The following SEM1 variants were observed in gnomAD, a reference collection of about 807,000 sequenced individuals.
SEM1 encodes SEM1 26S proteasome subunit.
SEM1 carries 3 observed loss-of-function variants against 12.7 expected under a neutral mutation model. The ratio of observed to expected loss-of-function variants is 0.24; its 90% CI spans 0.11 to 0.61. SEM1 has a LOEUF of 0.61. Among genes scored for constraint, SEM1 ranks in the 20% least tolerant of loss-of-function variants. The probability of loss-of-function intolerance (pLI) is 0.88; values close to 1 mark genes in which losing one functional copy is unlikely to be tolerated. For synonymous variants in SEM1, 30 were observed against 27.8 expected (o/e 1.08, Z -0.25); for missense variants, 59 against 81.3 (o/e 0.73, Z 1.06).
intron 2 of SEM1, among the ~76,000 whole-genome samples, chr7:96,598,124 A>G (rs1447484307): frequency 6.6e-6 from 1 of 152,194 alleles, no homozygotes; most frequent in Non-Finnish European, 1.5e-5. Flanking sequence ...AACACCATAC[A>G]AAATATGCTG....
At chr7:96,673,903 C>T (rs765350616) in intron 2 of SEM1, 1 of 757,944 alleles carries the variant, frequency 1.3e-6, no homozygotes, top group East Asian at 2.4e-5. Flanking sequence ...AGTATCAAGC[C>T]ACTGTGATCT....
chr7:96,565,239 T>A (rs1251967070), intron 2 of SEM1, among the ~76,000 whole-genome samples: 1 of 151,918 alleles, frequency 6.6e-6, no homozygotes, highest in African/African-American at 2.4e-5. Flanking sequence ...TTCCATATAC[T>A]AAAAGTCCCC....
At chr7:96,624,254 G>C (rs1452286891) in intron 2 of SEM1, among the ~76,000 whole-genome samples, 1 of 152,104 alleles carries the variant, frequency 6.6e-6, no homozygotes, top group African/African-American at 2.4e-5. Context: ...AAATAAATAA[G>C]ACAAAAAGTT....
chr7:96,615,176 T>C (rs911145512), intron 2 of SEM1, among the ~76,000 whole-genome samples: 1 of 151,988 alleles, frequency 6.6e-6, no homozygotes, highest in Admixed American at 6.6e-5. Flanking sequence ...AGGGATTTGA[T>C]TGCATTTACC....
At chr7:96,693,474 T>C (rs1030208131) in intron 2 of SEM1, among the ~76,000 whole-genome samples, 2 of 152,136 alleles carry the variant, frequency 1.3e-5, no homozygotes, top group Non-Finnish European at 2.9e-5. Context: ...ATAAAGCTCT[T>C]AGAAGAAAAC....
downstream of SEM1, among the ~76,000 whole-genome samples, chr7:96,687,064 C>T (rs1270638268): frequency 1.3e-5 from 2 of 152,014 alleles, no homozygotes; most frequent in Non-Finnish European, 2.9e-5. Flanking sequence ...ATCAGAAAAA[C>T]GCAAATCAAA....
chr7:96,512,705 G>T (rs6943138), intron 2 of SEM1, among the ~76,000 whole-genome samples: 5,304 of 152,076 alleles, frequency 0.035, 318 homozygotes, highest in African/African-American at 0.12. Context: ...TTGATACAAA[G>T]CCATGTGTCT....
At chr7:96,547,995 G>A (rs867581443) in intron 2 of SEM1, among the ~76,000 whole-genome samples, 1 of 152,046 alleles carries the variant, frequency 6.6e-6, no homozygotes, top group Non-Finnish European at 1.5e-5. Flanking sequence ...GTTGAGATGG[G>A]GAGGTACACT....
intron 2 of SEM1, among the ~76,000 whole-genome samples, chr7:96,588,371 C>T (rs1200668776): frequency 6.2e-5 from 7 of 112,210 alleles, no homozygotes; most frequent in African/African-American, 2.8e-4. Flanking sequence ...CACACACACA[C>T]ACACACACAC....
At chr7:96,693,749 A>G (rs1313964541) in intron 2 of SEM1, among the ~76,000 whole-genome samples, 1 of 134,204 alleles carries the variant, frequency 7.5e-6, no homozygotes, top group Non-Finnish European at 1.6e-5. Context: ...CGTATGACCC[A>G]ACAATTCCAC....
intron 2 of SEM1, among the ~76,000 whole-genome samples, chr7:96,528,313 C>T (rs1804535343): frequency 6.6e-6 from 1 of 152,134 alleles, no homozygotes; most frequent in South Asian, 2.1e-4. Context: ...CCTACATCAG[C>T]CTCCCAAGTA....
chr7:96,663,461 G>C (rs1029229093), intron 2 of SEM1, among the ~76,000 whole-genome samples: 11 of 152,152 alleles, frequency 7.2e-5, no homozygotes, highest in African/African-American at 2.7e-4. Context: ...GCAGCAGTGT[G>C]GGGGAGAGTC....
At chr7:96,510,889 A>T (rs1803915297) in intron 2 of SEM1, among the ~76,000 whole-genome samples, 1 of 152,024 alleles carries the variant, frequency 6.6e-6, no homozygotes, top group South Asian at 2.1e-4. Context: ...GATTAAAAAG[A>T]TTATTTGGAT....
chr7:96,482,089 C>G (rs1802564312), exon 4 of SEM1: 1 of 152,160 alleles, frequency 6.6e-6, no homozygotes, highest in Admixed American at 6.5e-5. Context: ...CTTCTCATAA[C>G]CCAGCACTAT....
intron 2 of SEM1, among the ~76,000 whole-genome samples, chr7:96,565,014 G>A (rs1805803562): frequency 6.6e-6 from 1 of 151,892 alleles, no homozygotes; most frequent in African/African-American, 2.4e-5. Flanking sequence ...ATTTTGATGT[G>A]CATTTTCACA....
chr7:96,498,429 C>G (rs891740657), upstream of SEM1, among the ~76,000 whole-genome samples: 1 of 152,058 alleles, frequency 6.6e-6, no homozygotes, highest in Non-Finnish European at 1.5e-5. Flanking sequence ...TATAGATTTG[C>G]TAGAGATCAG....
At chr7:96,523,620 CCTGACCACAG>C (rs1221532533) in intron 2 of SEM1, among the ~76,000 whole-genome samples, 1 of 152,112 alleles carries the variant, frequency 6.6e-6, no homozygotes, top group Non-Finnish European at 1.5e-5. Context: ...ATTTCCCTTT[CCTGACCACAG>C]CCACCCACCA....
intron 1 of SEM1, chr7:96,706,126 T>A (rs1310627884): frequency 6.6e-6 from 1 of 152,152 alleles, no homozygotes; most frequent in Admixed American, 6.5e-5. Flanking sequence ...ACCAGAAGAT[T>A]ACACACCCAC....
intron 2 of SEM1, among the ~76,000 whole-genome samples, chr7:96,678,542 A>C (rs1013651318): frequency 1.3e-5 from 2 of 152,166 alleles, no homozygotes; most frequent in Non-Finnish European, 2.9e-5. Flanking sequence ...AGCAGAATCA[A>C]GTTTTCAAAT....
Sources: gnomAD v4.1 joint callset for allele counts (sites outside exome capture counted in the v4.1 genomes callset) on GRCh38, gnomAD v4.1.1 for gene constraint, MANE v1.5 for transcripts, NCBI Gene and HGNC (gene_info 2026-07-23, HGNC 2026-07-21) for gene names.